The following CD96 variants were observed in gnomAD, a reference collection of about 807,000 sequenced individuals.
CD96 encodes CD96 molecule.
In CD96, 70 loss-of-function variants were observed where a neutral mutation model predicts 71.3. The observed-to-expected ratio is 0.98, with a 90% CI of 0.81 to 1.20. CD96 has a LOEUF of 1.20. Ranked by LOEUF, CD96 falls within the 50% of genes most tolerant of loss-of-function variation. The probability of loss-of-function intolerance (pLI) is 0.00; values close to 1 mark genes in which losing one functional copy is unlikely to be tolerated. For synonymous variants in CD96, 248 were observed against 233.0 expected, an observed-to-expected ratio of 1.06 and a Z score of -0.59; for missense variants, 742 against 677.5, an observed-to-expected ratio of 1.10 and a Z score of -1.06.
chr3:111,543,959 T>C (rs546391258), intron 1 of CD96, among the ~76,000 whole-genome samples: 61 of 152,322 alleles, frequency 4.0e-4, no homozygotes, highest in Non-Finnish European at 7.4e-4. Flanking sequence ...TCAGCAGCCA[T>C]TTTGGGCATG....
intron 2 of CD96, among the ~76,000 whole-genome samples, chr3:111,562,030 A>G (rs987943537): frequency 8.1e-4 from 124 of 152,260 alleles, no homozygotes; most frequent in Non-Finnish European, 1.5e-3. Flanking sequence ...GACCCCTTGC[A>G]CTTCCCAGGT....
chr3:111,549,779 C>T (rs1390502827), intron 2 of CD96, among the ~76,000 whole-genome samples: 3 of 152,092 alleles, frequency 2.0e-5, no homozygotes, highest in African/African-American at 4.8e-5. Flanking sequence ...TATTAGGGAA[C>T]ACTGGAAGAT....
intron 5 of CD96, among the ~76,000 whole-genome samples, chr3:111,589,815 T>C (rs1936893059): frequency 6.6e-6 from 1 of 152,188 alleles, no homozygotes; most frequent in South Asian, 2.1e-4. Flanking sequence ...TGGAAGGATA[T>C]CATGCTTCAG....
intron 2 of CD96, among the ~76,000 whole-genome samples, chr3:111,555,991 T>C (rs939523040): frequency 3.9e-4 from 59 of 152,286 alleles, no homozygotes; most frequent in African/African-American, 1.4e-3. Context: ...ATAATTTATA[T>C]TGAACAATGT....
At chr3:111,579,570 G>A (rs529753910) in intron 4 of CD96, 19 of 348,238 alleles carry the variant, frequency 5.5e-5, no homozygotes, top group East Asian at 2.1e-4. Context: ...GTCCAAGGTC[G>A]AGGGGACGCA....
intron 12 of CD96, among the ~76,000 whole-genome samples, chr3:111,645,972 A>G (rs753568373): frequency 2.0e-5 from 3 of 152,128 alleles, no homozygotes; most frequent in Non-Finnish European, 4.4e-5. Context: ...TAGTTCTTTG[A>G]CCTGTATTTT....
intron 4 of CD96, 133 bp downstream of exon 4, chr3:111,579,367 A>G: frequency 2.7e-6 from 2 of 730,878 alleles, no homozygotes. Flanking sequence ...GTTTCCCTGG[A>G]TACTTGTCAT....
chr3:111,619,566 T>C (rs1938416172), intron 8 of CD96, among the ~76,000 whole-genome samples: 1 of 152,224 alleles, frequency 6.6e-6, no homozygotes, highest in African/African-American at 2.4e-5. Flanking sequence ...CTTGCCTACA[T>C]AGTATCTCAT....
At chr3:111,618,582 CTTTTTTTTTTTT>C (rs35004472) in intron 8 of CD96, among the ~76,000 whole-genome samples, 1 of 123,952 alleles carries the variant, frequency 8.1e-6, no homozygotes, top group East Asian at 2.3e-4. Context: ...TTATTTCTCT[CTTTTTTTTTTTT>C]TTTTTTTTGA....
chr3:111,602,976 C>G lies in CD96; in HGVS notation c.1087+2062C>G, dbSNP rs139118935. Among the ~76,000 whole-genome samples the G allele has an allele frequency of 2.0e-5, 3 of 152,206 alleles. No homozygotes were observed. In the East Asian group the frequency reaches 5.8e-4, roughly 29 times the overall value. ...ACAGCCCTTTGAGGTGATTCCTTCT[C>G]CACCTACGCCCAGTCTCCCAAGTGT... On this transcript the variant is annotated intron_variant, in intron 7 of 13. Coordinates refer to ENST00000352690, the MANE Select transcript of CD96 (RefSeq NM_005816.5).
intron 8 of CD96, among the ~76,000 whole-genome samples, chr3:111,617,377 G>C (rs948082012): frequency 1.3e-5 from 2 of 152,210 alleles, no homozygotes; most frequent in African/African-American, 2.4e-5. Flanking sequence ...GGGCCAATTG[G>C]ATAGTGCTTT....
chr3:111,638,575 T>C (rs1939446194), intron 12 of CD96, among the ~76,000 whole-genome samples: 1 of 152,224 alleles, frequency 6.6e-6, no homozygotes, highest in South Asian at 2.1e-4. Context: ...CAAAGAGTAC[T>C]CCTATAATTC....
downstream of CD96, among the ~76,000 whole-genome samples, chr3:111,657,328 G>T (rs1258947722): frequency 2.6e-5 from 4 of 151,794 alleles, no homozygotes; most frequent in Non-Finnish European, 5.9e-5. Context: ...TGAGGCAGGA[G>T]AATCACTTGA....
chr3:111,550,953 T>C (rs1303432353), intron 2 of CD96, among the ~76,000 whole-genome samples: 1 of 152,130 alleles, frequency 6.6e-6, no homozygotes, highest in Non-Finnish European at 1.5e-5. Context: ...GATTCCTTTT[T>C]AGATTGTTGC....
At chr3:111,613,120 G>T (rs984681514) in intron 8 of CD96, among the ~76,000 whole-genome samples, 1 of 152,174 alleles carries the variant, frequency 6.6e-6, no homozygotes, top group Non-Finnish European at 1.5e-5. Flanking sequence ...TCACCTGTAA[G>T]TCAAGGTTAG....
At chr3:111,564,100 A>G (rs887086284) in intron 2 of CD96, among the ~76,000 whole-genome samples, 1 of 152,170 alleles carries the variant, frequency 6.6e-6, no homozygotes, top group Admixed American at 6.5e-5. Context: ...TTATATGAAC[A>G]TGCTTAAAGT....
At chr3:111,544,386 G>T (rs759551379) in intron 1 of CD96, among the ~76,000 whole-genome samples, 2 of 151,832 alleles carry the variant, frequency 1.3e-5, no homozygotes, top group Non-Finnish European at 2.9e-5. Flanking sequence ...CTCATGATCT[G>T]CCCACCTCAG....
At chr3:111,548,018 T>A (rs1218337519) in intron 2 of CD96, among the ~76,000 whole-genome samples, 1 of 152,188 alleles carries the variant, frequency 6.6e-6, no homozygotes, top group Non-Finnish European at 1.5e-5. Flanking sequence ...TGTTTTGATC[T>A]TCTCTTGCTT....
chr3:111,601,665 T>C (rs138072619), intron 7 of CD96, among the ~76,000 whole-genome samples: 4 of 152,322 alleles, frequency 2.6e-5, no homozygotes, highest in African/African-American at 7.2e-5. Flanking sequence ...AAAACGTAAA[T>C]AGATTTGCAA....
Sources: gnomAD v4.1 joint callset for allele counts (sites outside exome capture counted in the v4.1 genomes callset) on GRCh38, gnomAD v4.1.1 for gene constraint, MANE v1.5 for transcripts, NCBI Gene and HGNC (gene_info 2026-07-23, HGNC 2026-07-21) for gene names.